The following PHKG2 variants were observed in gnomAD, a reference collection of about 807,000 sequenced individuals.
PHKG2 encodes phosphorylase kinase catalytic subunit gamma 2.
A neutral mutation model predicts 44.5 loss-of-function variants in PHKG2; 28 were observed. That is an observed-to-expected ratio of 0.63 (90% confidence interval 0.47 to 0.86). The LOEUF (loss-of-function observed/expected upper bound fraction) is 0.86, where lower values mean the gene tolerates loss of function less well. Ranked by LOEUF, PHKG2 falls within the 40% of genes least tolerant of loss-of-function variation. The pLI is 0.00. For synonymous variants in PHKG2, 220 were observed against 211.2 expected, an observed-to-expected ratio of 1.04 and a Z score of -0.36; for missense variants, 498 against 547.5, an observed-to-expected ratio of 0.91 and a Z score of 0.90.
In PHKG2 at chr16:30,748,818, A is replaced by G. The variant is rs1049581523; in HGVS notation, c.-3A>G. The stretch of plus-strand genomic sequence containing the variant: ...CTCCGCGCAGGCCCCCGCCTCCTTC[A>G]GGATGACGCTGGACGTGGGGCCGGA... On this transcript the variant is annotated 5_prime_UTR_variant, in exon 2 of 10. Transcript: ENST00000563588. 16 of 1,550,596 alleles carry G rather than the reference A, an allele frequency of 1.0e-5. No individual in the cohort carries two copies. The highest frequency in any genetic ancestry group is 1.4e-5 in the Non-Finnish European group (16 of 1,146,434).
At position 30,760,910 on chromosome 16, in the gene PHKG2, A is replaced by G; in HGVS notation, c.*3813A>G. On this transcript the variant is annotated 3_prime_UTR_variant, in exon 10 of 10. Transcript: ENST00000563588. ...TTTTTCTGCTCTGCCACTACCTTGT[A>G]TGACCTTGGTCAAGTACTCCCTGTG... The G allele has an allele frequency of 1.6e-6, 1 of 615,610 alleles. No homozygotes were observed. The highest frequency in any genetic ancestry group is 2.9e-6 in the Non-Finnish European group (1 of 348,652). The allele number at this position is 615,610 out of a possible 1,614,324, so 38.1% of individuals were successfully genotyped here.
intron 6 of PHKG2, among the ~76,000 whole-genome samples, chr16:30,755,455 A>G (rs2053405115): frequency 6.6e-6 from 1 of 152,118 alleles, no homozygotes; most frequent in Non-Finnish European, 1.5e-5. Context: ...AGGTGGGCGG[A>G]TCACGAGTCA....
chr16:30,758,071 T>A lies in PHKG2; in HGVS notation c.*974T>A. On this transcript the variant is annotated 3_prime_UTR_variant, in exon 10 of 10. Transcript: ENST00000563588. ...CTGGCTGTTATTGTCATTGGCTTTC[T>A]CTTTTTTTTTTTTTTTTTGAGATGG... The A allele has an allele frequency of 6.5e-6, 1 of 154,972 alleles. No individual in the cohort carries two copies. Among genetic ancestry groups the A allele is most frequent in the African/African-American group, 2.4e-5 (1 of 41,352 alleles). 9.6% of individuals were successfully genotyped at this position (154,972 alleles called of 1,614,324 possible). A position where few individuals can be genotyped will look rare whatever the true frequency, so the allele number is the denominator to read the frequency against.
rs756572785 is a variant in PHKG2, at chr16:30,756,461, G to A, written c.742G>A (p.Gly248Ser). ...QILMLRMIMEGQYQFSSPEWD... is the reference protein window; with the variant it reads ...QILMLRMIMESQYQFSSPEWD... Reference sequence around the variant, plus strand: ...CCTGATGTTACGCATGATCATGGAGGGCCAGTACCAGTTCAGTTCCCCCGA... The same window carrying A: ...CCTGATGTTACGCATGATCATGGAGAGCCAGTACCAGTTCAGTTCCCCCGA... The change falls in exon 8 of 10, where the codon GGC becomes AGC. Residue 248 changes from glycine to serine, a missense_variant. Transcript: ENST00000563588. 1.9e-6 allele frequency: 3 copies of A among 1,613,750 alleles called. No homozygotes were observed. In the Admixed American group the frequency reaches 5.0e-5, roughly 27 times the overall value.
rs189371716 is a variant in PHKG2 at position 30,757,691 on chromosome 16, G to T, written c.*594G>T. 15 of 1,574,252 alleles carry T rather than the reference G, an allele frequency of 9.5e-6. No individual in the cohort carries two copies. The African/African-American group carries it at 1.9e-4, about 20-fold the overall frequency. On this transcript the variant is annotated 3_prime_UTR_variant, in exon 10 of 10. Coordinates refer to ENST00000563588, the MANE Select transcript of PHKG2 (RefSeq NM_000294.3). ...GGGAAGAAGGGGCAGGGTGAGGAGA[G>T]ATGCTGTCTGGCAATGGGGGGATGG... is the stretch of plus-strand genomic sequence containing the variant.
At chr16:30,755,079 T>C (rs2053399347) in intron 6 of PHKG2, 1 of 364,406 alleles carries the variant, frequency 2.7e-6, no homozygotes, top group African/African-American at 2.1e-5. Flanking sequence ...TAGAACAAAC[T>C]AAAAATACAG....
intron 2 of PHKG2, among the ~76,000 whole-genome samples, 158 bp downstream of exon 2, chr16:30,749,073 GTGGTGGTGGTGGTGGTGCTGCTGCTGC>G (rs2053299270): frequency 4.8e-5 from 1 of 20,650 alleles, no homozygotes; most frequent in Non-Finnish European, 1.2e-4. Flanking sequence ...GGTGGTGGTG[GTGGTGGTGGTGGTGGTGCTGCTGCTGC>G]TGCTGCTGCT....
rs1034772869 is a variant in PHKG2, at chr16:30,757,290, T to C, written c.*193T>C. Reference sequence around the variant, plus strand: ...CAGAGCTGGGGTGGAAGGGAGCCATTCTGAACGCCACGCCTGGCCCGGTCA... The same window carrying C: ...CAGAGCTGGGGTGGAAGGGAGCCATCCTGAACGCCACGCCTGGCCCGGTCA... On this transcript the variant is annotated 3_prime_UTR_variant, in exon 10 of 10. Coordinates refer to ENST00000563588, the MANE Select transcript of PHKG2 (RefSeq NM_000294.3). The C allele has an allele frequency of 1.9e-6, 3 of 1,541,646 alleles. No individual in the cohort carries two copies. In the African/African-American group the frequency reaches 4.1e-5, roughly 21 times the overall value.
At chr16:30,755,054 T>C (rs1229079099) in intron 6 of PHKG2, 4 of 385,250 alleles carry the variant, frequency 1.0e-5, no homozygotes, top group South Asian at 5.6e-5. Context: ...ACTGGAAGAA[T>C]TGGTGCCCGA....
In PHKG2 at chr16:30,760,843, C is replaced by G; in HGVS notation, c.*3746C>G. On this transcript the variant is annotated 3_prime_UTR_variant, in exon 10 of 10. Transcript: ENST00000563588. ...CTGGGCCTAAATGAACTCTTATGAG[C>G]CTCTCCATTTCTAAAGCCTAGGGTT... 1.5e-6 allele frequency: 1 copy of G among 647,736 alleles called. No individual in the cohort carries two copies. The highest frequency in any genetic ancestry group is 2.7e-6 in the Non-Finnish European group (1 of 364,864). 40.1% of individuals were successfully genotyped at this position (647,736 alleles called of 1,614,324 possible). A position where few individuals can be genotyped will look rare whatever the true frequency, so the allele number is the denominator to read the frequency against.
chr16:30,759,081 T>A lies in PHKG2; in HGVS notation c.*1984T>A, dbSNP rs141842194. On this transcript the variant is annotated 3_prime_UTR_variant, in exon 10 of 10. Coordinates refer to ENST00000563588, the MANE Select transcript of PHKG2 (RefSeq NM_000294.3). ...TGCGGGGTAACTGCCTGCTCCTCCATCTCCTTGCTTTCTTCTTTCTCTGCA... is the reference window on the plus strand; with the variant it reads ...TGCGGGGTAACTGCCTGCTCCTCCAACTCCTTGCTTTCTTCTTTCTCTGCA... 16 of 1,614,066 alleles carry A rather than the reference T, an allele frequency of 9.9e-6. No homozygotes were observed. The African/African-American group carries it at 2.0e-4, about 20-fold the overall frequency.
Position 30,760,614 on chromosome 16 carries a change from C to T in PHKG2, c.*3517C>T, listed in dbSNP as rs1567272286. The T allele has an allele frequency of 1.3e-6, 2 of 1,557,984 alleles. No individual in the cohort carries two copies. The highest frequency in any genetic ancestry group is 1.4e-5 in the African/African-American group (1 of 73,296). ...CCCCCCTCAGTCCCTACTCCCTCAT[C>T]TCAGCATTGGTGGTCTTCTCCAGCT... is the stretch of plus-strand genomic sequence containing the variant. On this transcript the variant is annotated 3_prime_UTR_variant, in exon 10 of 10. Transcript: ENST00000563588.
rs762166233 is a variant in PHKG2, at chr16:30,759,574, G to A, written c.*2477G>A. Reference sequence around the variant, plus strand: ...CACTGGGGTCTTCACAAGAAGATAAGGGTGATGAATGTGAGAGAGACTGGG... The same window carrying A: ...CACTGGGGTCTTCACAAGAAGATAAAGGTGATGAATGTGAGAGAGACTGGG... On this transcript the variant is annotated 3_prime_UTR_variant, in exon 10 of 10. Coordinates refer to ENST00000563588, the MANE Select transcript of PHKG2 (RefSeq NM_000294.3). 71 of 1,613,940 alleles carry A rather than the reference G, an allele frequency of 4.4e-5. No individual in the cohort carries two copies. The highest frequency in any genetic ancestry group is 5.9e-5 in the Non-Finnish European group (70 of 1,179,996).
At position 30,760,161 on chromosome 16, in the gene PHKG2, T is replaced by C; in HGVS notation, c.*3064T>C. 1 of 1,589,756 alleles carries C rather than the reference T, an allele frequency of 6.3e-7. No homozygotes were observed. Among genetic ancestry groups the C allele is most frequent in the Non-Finnish European group, 8.5e-7 (1 of 1,174,212 alleles). On this transcript the variant is annotated 3_prime_UTR_variant, in exon 10 of 10. Coordinates refer to ENST00000563588, the MANE Select transcript of PHKG2 (RefSeq NM_000294.3). Reference sequence around the variant, plus strand: ...TGGAAAGCTGATGGCTTGTGTATGATGATGCTACTAATAATGACATATTCC... The same window carrying C: ...TGGAAAGCTGATGGCTTGTGTATGACGATGCTACTAATAATGACATATTCC...
rs2053549960 is a variant in PHKG2, at chr16:30,758,896, A to G, written c.*1799A>G. 2.0e-6 allele frequency: 3 copies of G among 1,505,132 alleles called. No homozygotes were observed. Among genetic ancestry groups the G allele is most frequent in the South Asian group, 1.3e-5 (1 of 75,818 alleles). The allele number at this position is 1,505,132 out of a possible 1,614,324, so 93.2% of individuals were successfully genotyped here. On this transcript the variant is annotated 3_prime_UTR_variant, in exon 10 of 10. Coordinates refer to ENST00000563588, the MANE Select transcript of PHKG2 (RefSeq NM_000294.3). ...ATCTTGGACTTCTGCATAAGGGATC[A>G]TTTAGAGAAAGGACTCTGACTAAAA...
chr16:30,754,757 G>T, intron 6 of PHKG2: 1 of 418,402 alleles, frequency 2.4e-6, no homozygotes, highest in Admixed American at 2.5e-5. Flanking sequence ...CCTTGGCTTG[G>T]GTAATTCAGG....
intron 4 of PHKG2, 117 bp downstream of exon 4, chr16:30,751,720 GCT>G (rs2053347322): frequency 1.1e-6 from 1 of 907,848 alleles, no homozygotes; most frequent in Non-Finnish European, 1.9e-6. Context: ...TCCAGCTGGG[GCT>G]CTCTATCACC....
Position 30,757,135 on chromosome 16 carries a change from C to T in PHKG2, c.*38C>T, listed in dbSNP as rs773310416. Reference sequence around the variant, plus strand: ...AGGGATTCCCAGGAAGCAGAACTCTCCAGAAGAAGGGTTTTGATCATTCCA... The same window carrying T: ...AGGGATTCCCAGGAAGCAGAACTCTTCAGAAGAAGGGTTTTGATCATTCCA... On this transcript the variant is annotated 3_prime_UTR_variant, in exon 10 of 10. Coordinates refer to ENST00000563588, the MANE Select transcript of PHKG2 (RefSeq NM_000294.3). 5.0e-6 allele frequency: 8 copies of T among 1,609,658 alleles called. No individual in the cohort carries two copies. The East Asian group carries it at 1.1e-4, about 22-fold the overall frequency.
Position 30,760,169 on chromosome 16 carries a change from C to A in PHKG2, c.*3072C>A. 1 of 1,596,598 alleles carries A rather than the reference C, an allele frequency of 6.3e-7. No individual in the cohort carries two copies. Among genetic ancestry groups the A allele is most frequent in the Non-Finnish European group, 8.5e-7 (1 of 1,176,874 alleles). ...TGATGGCTTGTGTATGATGATGCTA[C>A]TAATAATGACATATTCCAGGCAGAA... On this transcript the variant is annotated 3_prime_UTR_variant, in exon 10 of 10. Transcript: ENST00000563588.
Sources: gnomAD v4.1 joint callset for allele counts (sites outside exome capture counted in the v4.1 genomes callset) on GRCh38, gnomAD v4.1.1 for gene constraint, MANE v1.5 for transcripts, NCBI Gene and HGNC (gene_info 2026-07-23, HGNC 2026-07-21) for gene names.